Variants in MGAT5 observed in about 807,000 individuals in gnomAD.
MGAT5 encodes the protein alpha-1,6-mannosylglycoprotein 6-beta-N-acetylglucosaminyltransferase.
A neutral mutation model predicts 94.3 loss-of-function variants in MGAT5; 30 were observed. The ratio of observed to expected loss-of-function variants is 0.32; its 90% CI spans 0.24 to 0.43. MGAT5 has a LOEUF of 0.43. MGAT5 is among the 20% of genes least tolerant of loss of function. MGAT5 has a pLI of 1.00. For missense variants in MGAT5, 691 were observed against 905.5 expected (o/e 0.76, Z 3.04); for synonymous variants, 310 against 322.9 (o/e 0.96, Z 0.43).
At chr2:134,176,700 A>G (rs1573797974) in intron 1 of MGAT5, among the ~76,000 whole-genome samples, 2 of 152,190 alleles carry the variant, frequency 1.3e-5, no homozygotes, top group East Asian at 3.9e-4. Flanking sequence ...ACATAATATT[A>G]CCTTAGCAAA....
At chr2:134,380,129 G>A (rs1187722238) in intron 10 of MGAT5, among the ~76,000 whole-genome samples, 2 of 152,188 alleles carry the variant, frequency 1.3e-5, no homozygotes, top group African/African-American at 2.4e-5. Context: ...GACAAGGAGC[G>A]TGTTGTTCAG....
At chr2:134,362,534 A>G (rs1680163683) in intron 10 of MGAT5, 126 bp downstream of exon 10, 7 of 1,185,484 alleles carry the variant, frequency 5.9e-6, no homozygotes, top group Non-Finnish European at 8.3e-6. Context: ...AGACATAAAC[A>G]AGAATGTGCA....
intron 9 of MGAT5, among the ~76,000 whole-genome samples, chr2:134,358,528 A>G (rs1679893231): frequency 6.6e-6 from 1 of 152,162 alleles, no homozygotes; most frequent in African/African-American, 2.4e-5. Flanking sequence ...GAGTTGATGG[A>G]TTTTTGAGAA....
chr2:134,337,979 C>T (rs1292352568), intron 5 of MGAT5, among the ~76,000 whole-genome samples: 2 of 152,182 alleles, frequency 1.3e-5, no homozygotes, highest in Non-Finnish European at 2.9e-5. Flanking sequence ...ATTATAAAAA[C>T]TGCATTTTAA....
chr2:134,388,683 T>C (rs1682189713), intron 10 of MGAT5, among the ~76,000 whole-genome samples: 1 of 151,314 alleles, frequency 6.6e-6, no homozygotes, highest in Admixed American at 6.6e-5. Flanking sequence ...ACTAATTGCA[T>C]ACCTGTGGTC....
intron 1 of MGAT5, among the ~76,000 whole-genome samples, chr2:134,166,865 A>G (rs1687985766): frequency 1.3e-5 from 2 of 152,098 alleles, no homozygotes; most frequent in South Asian, 2.1e-4. Context: ...TTTTTTCTTT[A>G]TAGGGAATTC....
In MGAT5 at chr2:134,335,213, C is replaced by T. The variant is rs111766209; in HGVS notation, c.574-1004C>T. ...TGACCCATGAGGCTATAGCTCCACACGTCTCTGCTATCTTAGTGACCCCTT... is the reference window on the plus strand; with the variant it reads ...TGACCCATGAGGCTATAGCTCCACATGTCTCTGCTATCTTAGTGACCCCTT... On this transcript the variant is annotated intron_variant, in intron 4 of 15. Coordinates refer to ENST00000281923, the MANE Select transcript of MGAT5 (RefSeq NM_002410.5). Among the ~76,000 whole-genome samples, 22 of 152,210 alleles carry T rather than the reference C, an allele frequency of 1.4e-4. No homozygotes were observed. The East Asian group carries it at 3.1e-3, about 21-fold the overall frequency.
intron 14 of MGAT5, among the ~76,000 whole-genome samples, chr2:134,432,456 C>A (rs1461162458): frequency 1.3e-5 from 2 of 152,146 alleles, no homozygotes; most frequent in African/African-American, 4.8e-5. Context: ...GATGCAAGGA[C>A]AAGCCTGTTA....
chr2:134,342,405 T>G (rs1688682438), intron 7 of MGAT5, among the ~76,000 whole-genome samples: 1 of 152,186 alleles, frequency 6.6e-6, no homozygotes, highest in Non-Finnish European at 1.5e-5. Flanking sequence ...GTTGCCATGT[T>G]GCTATATGTC....
At chr2:134,441,730 G>A (rs748392418) in intron 14 of MGAT5, 28 bp from the exon 15 acceptor site, 2 of 1,596,958 alleles carry the variant, frequency 1.3e-6, no homozygotes, top group Admixed American at 1.7e-5. Context: ...CCTTGGACCT[G>A]TGGCTGATGG....
intron 2 of MGAT5, among the ~76,000 whole-genome samples, chr2:134,307,343 G>A (rs1263608762): frequency 6.6e-6 from 1 of 152,096 alleles, no homozygotes; most frequent in African/African-American, 2.4e-5. Flanking sequence ...CAACTGTAAA[G>A]ATTTTATACA....
intron 1 of MGAT5, among the ~76,000 whole-genome samples, chr2:134,123,377 A>G (rs938919440): frequency 6.6e-6 from 1 of 152,184 alleles, no homozygotes; most frequent in Non-Finnish European, 1.5e-5. Flanking sequence ...GGCAGTGACT[A>G]GTGTACCCTG....
At position 134,317,546 on chromosome 2, in the gene MGAT5, C is replaced by G; in HGVS notation, c.424C>G (p.Gln142Glu). The change falls in exon 3 of 16, where the codon CAA becomes GAA. Residue 142 changes from glutamine (Q) to glutamate (E), a missense_variant. Physicochemically the swap from Gln to Glu is conservative, Grantham distance 29 (BLOSUM62 2). Coordinates refer to ENST00000281923, the MANE Select transcript of MGAT5 (RefSeq NM_002410.5). ...CTTCACAGATATCATTAACGGAGCTCAAGAAAAATGTGTATTGCCTCCTAT... is the reference window on the plus strand; with the variant it reads ...CTTCACAGATATCATTAACGGAGCTGAAGAAAAATGTGTATTGCCTCCTAT... ...INVADIINGA[Q>E]EKCVLPPMDG... 2 of 1,568,674 alleles carry G rather than the reference C, an allele frequency of 1.3e-6. No homozygotes were observed. The highest frequency in any genetic ancestry group is 1.7e-6 in the Non-Finnish European group (2 of 1,159,292).
At chr2:134,145,749 A>G (rs1170647337) in intron 1 of MGAT5, among the ~76,000 whole-genome samples, 1 of 150,640 alleles carries the variant, frequency 6.6e-6, no homozygotes, top group African/African-American at 2.5e-5. Context: ...TTTATTTTAA[A>G]GTTGAAGAGG....
chr2:134,187,032 G>T (rs1359076222), intron 1 of MGAT5, among the ~76,000 whole-genome samples: 1 of 152,200 alleles, frequency 6.6e-6, no homozygotes, highest in African/African-American at 2.4e-5. Flanking sequence ...CCGTGAGGAA[G>T]AGAGGGTACC....
At chr2:134,378,210 C>T (rs1681308277) in intron 10 of MGAT5, among the ~76,000 whole-genome samples, 2 of 152,234 alleles carry the variant, frequency 1.3e-5, no homozygotes, top group South Asian at 4.1e-4. Context: ...ATCTGGTTCC[C>T]GGGAAACTTC....
exon 1 of MGAT5, chr2:134,120,255 C>T (rs1013680995): frequency 4.2e-5 from 16 of 382,466 alleles, no homozygotes; most frequent in Admixed American, 9.1e-5. Flanking sequence ...CGGCGGCCGG[C>T]GGGTGCTCCC....
intron 1 of MGAT5, among the ~76,000 whole-genome samples, chr2:134,208,952 C>T (rs1459672045): frequency 1.3e-5 from 2 of 152,046 alleles, no homozygotes; most frequent in African/African-American, 4.8e-5. Context: ...TCTGTTTTTC[C>T]CCAGTGTTCT....
At position 134,450,989 on chromosome 2, in the gene MGAT5, C is replaced by G. The variant is rs898528808; in HGVS notation, c.*2142C>G. 3.9e-5 allele frequency: 6 copies of G among 152,096 alleles called. No homozygotes were observed. Among genetic ancestry groups the G allele is most frequent in the Admixed American group, 1.3e-4 (2 of 15,272 alleles). The allele number at this position is 152,096 out of a possible 1,614,324, so 9.4% of individuals were successfully genotyped here. On this transcript the variant is annotated 3_prime_UTR_variant, in exon 16 of 16. Transcript: ENST00000281923. ...TTGCTAGAGTTCCCTGACCTGCAAT[C>G]CCTGGGCCAGTGCCGCCCTCTCCTG...
Sources: gnomAD v4.1 joint callset for allele counts (sites outside exome capture counted in the v4.1 genomes callset) on GRCh38, gnomAD v4.1.1 for gene constraint, MANE v1.5 for transcripts, NCBI Gene and HGNC (gene_info 2026-07-23, HGNC 2026-07-21) for gene names.